Variants in PDGFRL observed in about 807,000 individuals in gnomAD.
The protein encoded by PDGFRL is platelet-derived growth factor receptor-like protein.
Under a neutral mutation model 37.2 loss-of-function variants are expected in PDGFRL, and 46 were observed. The observed-to-expected ratio is 1.24, with a 90% CI of 0.98 to 1.58. The LOEUF is 1.58. PDGFRL is among the 40% of genes most tolerant of loss of function. The pLI, the probability that PDGFRL is intolerant of heterozygous loss-of-function variation, is 0.00. For synonymous variants in PDGFRL, 251 were observed against 184.3 expected (o/e 1.36, Z -2.93); for missense variants, 692 against 467.6 (o/e 1.48, Z -4.43).
At chr8:17,609,164 T>C (rs1315723480) in intron 2 of PDGFRL, among the ~76,000 whole-genome samples, 3 of 152,136 alleles carry the variant, frequency 2.0e-5, no homozygotes, top group Non-Finnish European at 4.4e-5. Context: ...GTCACACTGC[T>C]GCACTCCAGC....
At chr8:17,627,736 A>T (rs563421584) in intron 3 of PDGFRL, among the ~76,000 whole-genome samples, 35 of 151,872 alleles carry the variant, frequency 2.3e-4, no homozygotes, top group African/African-American at 8.2e-4. Context: ...TCGGCCTCCC[A>T]AAGTGCTAGG....
chr8:17,595,561 C>G (rs942010455), intron 2 of PDGFRL, among the ~76,000 whole-genome samples: 1 of 152,162 alleles, frequency 6.6e-6, no homozygotes, highest in Non-Finnish European at 1.5e-5. Flanking sequence ...GAACCTGGAC[C>G]TAAACAAACA....
chr8:17,625,902 G>A (rs1163299655), intron 3 of PDGFRL, among the ~76,000 whole-genome samples: 2 of 152,134 alleles, frequency 1.3e-5, no homozygotes, highest in Non-Finnish European at 2.9e-5. Flanking sequence ...GGCTGAGGTG[G>A]GAGGATCATT....
At chr8:17,602,476 A>C (rs3888179) in intron 2 of PDGFRL, among the ~76,000 whole-genome samples, 2 of 151,996 alleles carry the variant, frequency 1.3e-5, no homozygotes, top group African/African-American at 4.8e-5. Context: ...AGAGAGAGTA[A>C]TCATCGAATT....
At chr8:17,629,235 A>G (rs117689068) in intron 4 of PDGFRL, among the ~76,000 whole-genome samples, 3,544 of 152,018 alleles carry the variant, frequency 0.023, 75 homozygotes, top group Non-Finnish European at 0.031. Context: ...CGGCCCACTT[A>G]TGCCGTTCTT....
intron 1 of PDGFRL, among the ~76,000 whole-genome samples, chr8:17,580,346 A>G: frequency 6.6e-6 from 1 of 152,218 alleles, no homozygotes; most frequent in East Asian, 1.9e-4. Flanking sequence ...AGTAAAAATT[A>G]GTACAGAAAT....
chr8:17,588,596 C>A (rs1308587208), intron 1 of PDGFRL, among the ~76,000 whole-genome samples: 3 of 152,108 alleles, frequency 2.0e-5, no homozygotes, highest in African/African-American at 7.2e-5. Flanking sequence ...TCACTTGAGC[C>A]CAGGAGTTCA....
chr8:17,613,342 C>A (rs1484695879), intron 2 of PDGFRL, among the ~76,000 whole-genome samples: 2 of 152,068 alleles, frequency 1.3e-5, no homozygotes, highest in African/African-American at 4.8e-5. Flanking sequence ...GGAAGAGGAG[C>A]TTTTCCTTTG....
At chr8:17,625,097 G>A (rs1429968206) in intron 3 of PDGFRL, among the ~76,000 whole-genome samples, 5 of 150,634 alleles carry the variant, frequency 3.3e-5, no homozygotes, top group Non-Finnish European at 5.9e-5. Context: ...CCATTAACTC[G>A]TCATTTAGCA....
intron 1 of PDGFRL, among the ~76,000 whole-genome samples, chr8:17,584,717 CT>C (rs58165312): frequency 0.65 from 94,151 of 145,130 alleles, 32,596 homozygotes; most frequent in Non-Finnish European, 0.78. Flanking sequence ...TCAGAAACTG[CT>C]TTTTTTTTTT....
chr8:17,635,917 G>A (rs11203874), intron 5 of PDGFRL, among the ~76,000 whole-genome samples: 134,840 of 152,278 alleles, frequency 0.89, 61,141 homozygotes, highest in Non-Finnish European at 0.98. Context: ...ACTTTGGTAT[G>A]TCTTTTGAGA....
In PDGFRL at chr8:17,634,153, C is replaced by G; in HGVS notation, c.879C>G (p.Cys293Trp). Residue 293 changes from cysteine (C) to tryptophan (W), a missense_variant, in exon 5 of 6, where the codon TGC becomes TGG. By Grantham distance (215) the Cys-to-Trp change is radical. Transcript: ENST00000251630. ...GTGGGGACGACATCAGTGTGCTCTG[C>G]ACTGTCCTGGGGGAGCCCGATGTGG... is the stretch of plus-strand genomic sequence containing the variant. ...VKSGDDISVL[C>W]TVLGEPDVEV... The G allele has an allele frequency of 6.2e-7, 1 of 1,613,298 alleles. No individual in the cohort carries two copies. The highest frequency in any genetic ancestry group is 8.5e-7 in the Non-Finnish European group (1 of 1,179,222).
At chr8:17,604,143 TA>T (rs1440345654) in intron 2 of PDGFRL, among the ~76,000 whole-genome samples, 9 of 152,188 alleles carry the variant, frequency 5.9e-5, no homozygotes. Context: ...GGTGGGACTG[TA>T]AACTAGTTCA....
At chr8:17,603,540 G>A (rs775582400) in intron 2 of PDGFRL, among the ~76,000 whole-genome samples, 4 of 152,144 alleles carry the variant, frequency 2.6e-5, no homozygotes, top group African/African-American at 7.2e-5. Context: ...CTTTGAGATC[G>A]GAAATAGCAA....
rs1236064577 is a variant in PDGFRL, at chr8:17,628,579, G to A, written c.598G>A (p.Val200Met). The A allele has an allele frequency of 6.2e-7, 1 of 1,613,884 alleles. No individual in the cohort carries two copies. ...RQAVVPCRVT[V>M]LSAKVTLHRE... ...GGCTGTGGTTCCTTGTCGGGTGACC[G>A]TGCTGTCGGCCAAAGTCACGCTCCA... The change falls in exon 4 of 6, where the codon GTG becomes ATG. Residue 200 changes from valine (V) to methionine (M), a missense_variant. Coordinates refer to ENST00000251630, the MANE Select transcript of PDGFRL (RefSeq NM_001372073.1).
In PDGFRL at chr8:17,626,730, C is replaced by T. The variant is rs537561074; in HGVS notation, c.506-1757C>T. ...CCAGAAAAACAAAGGATTCAATGTA[C>T]CATGCCAAAAAAGAAAAGCCACCAG... On this transcript the variant is annotated intron_variant, in intron 3 of 5. Coordinates refer to ENST00000251630, the MANE Select transcript of PDGFRL (RefSeq NM_001372073.1). Among the ~76,000 whole-genome samples, 37 of 152,222 alleles carry T rather than the reference C, an allele frequency of 2.4e-4. 1 individual carries two copies. The South Asian group carries it at 7.7e-3, about 32-fold the overall frequency.
intron 2 of PDGFRL, among the ~76,000 whole-genome samples, chr8:17,615,127 C>G (rs1339283978): frequency 6.6e-6 from 1 of 152,180 alleles, no homozygotes; most frequent in Non-Finnish European, 1.5e-5. Context: ...AGTAAAGTGT[C>G]TCTTCCGTAT....
intron 1 of PDGFRL, among the ~76,000 whole-genome samples, chr8:17,580,707 A>C (rs1396788032): frequency 6.6e-6 from 1 of 152,190 alleles, no homozygotes; most frequent in Non-Finnish European, 1.5e-5. Context: ...AGTACCACGG[A>C]ATGGGAGGCT....
chr8:17,604,215 C>A (rs958675896), intron 2 of PDGFRL, among the ~76,000 whole-genome samples: 1 of 152,148 alleles, frequency 6.6e-6, no homozygotes, highest in South Asian at 2.1e-4. Flanking sequence ...TACCATTTGA[C>A]CCAGCCATCC....
Sources: allele counts gnomAD v4.1 joint callset (sites outside exome capture counted in the v4.1 genomes callset), GRCh38; gene constraint gnomAD v4.1.1; transcripts MANE v1.5; gene names NCBI Gene and HGNC (gene_info 2026-07-23, HGNC 2026-07-21).